NMNAT3: variants seen among roughly 807,000 people sequenced by gnomAD.
NMNAT3 encodes the protein nicotinamide/nicotinic acid mononucleotide adenylyltransferase 3.
A neutral mutation model predicts 24.8 loss-of-function variants in NMNAT3; 21 were observed. That is an observed-to-expected ratio of 0.85 (90% CI 0.60 to 1.22). The LOEUF (loss-of-function observed/expected upper bound fraction) is 1.22, where lower values mean the gene tolerates loss of function less well. NMNAT3 is among the 50% of genes most tolerant of loss of function. The probability of loss-of-function intolerance (pLI) is 0.00; values close to 1 mark genes in which losing one functional copy is unlikely to be tolerated. For missense variants in NMNAT3, 387 were observed against 436.6 expected, an observed-to-expected ratio of 0.89 and a Z score of 1.01; for synonymous variants, 136 against 155.2, an observed-to-expected ratio of 0.88 and a Z score of 0.92.
At chr3:139,657,908 G>A (rs2057297567) in intron 1 of NMNAT3, among the ~76,000 whole-genome samples, 1 of 151,912 alleles carries the variant, frequency 6.6e-6, no homozygotes, top group Non-Finnish European at 1.5e-5. Context: ...TCATGAGTGT[G>A]CTCTGGGGCT....
chr3:139,561,414 C>G, intron 6 of NMNAT3, 22 bp from the exon 7 acceptor site: 1 of 1,600,702 alleles, frequency 6.2e-7, no homozygotes, highest in South Asian at 1.1e-5. Flanking sequence ...AGGATGGACC[C>G]AGTAAAGTTA....
intron 2 of NMNAT3, among the ~76,000 whole-genome samples, chr3:139,630,011 T>A (rs1386678493): frequency 6.6e-6 from 1 of 152,210 alleles, no homozygotes; most frequent in African/African-American, 2.4e-5. Flanking sequence ...GTTTCTAACA[T>A]GACAAAAAGT....
intron 3 of NMNAT3, among the ~76,000 whole-genome samples, chr3:139,622,872 T>C (rs975105418): frequency 7.2e-6 from 1 of 139,686 alleles, no homozygotes; most frequent in Non-Finnish European, 1.5e-5. Context: ...ATATAAACAG[T>C]ATACTTTTAT....
At chr3:139,631,847 T>C (rs548789322) in intron 2 of NMNAT3, among the ~76,000 whole-genome samples, 1 of 152,236 alleles carries the variant, frequency 6.6e-6, no homozygotes, top group Admixed American at 6.5e-5. Context: ...TCTGTACTTG[T>C]TACATATTTT....
intron 1 of NMNAT3, among the ~76,000 whole-genome samples, chr3:139,675,056 A>G (rs180806921): frequency 6.6e-6 from 1 of 152,246 alleles, no homozygotes; most frequent in Admixed American, 6.5e-5. Context: ...AAGCTGCGAC[A>G]TACATGAAAA....
intron 3 of NMNAT3, among the ~76,000 whole-genome samples, chr3:139,627,036 T>A (rs1282459712): frequency 2.6e-5 from 4 of 152,098 alleles, no homozygotes; most frequent in African/African-American, 9.7e-5. Flanking sequence ...GTCACTTTAC[T>A]CCTTTAATAA....
chr3:139,647,276 T>C (rs2056902430), intron 1 of NMNAT3, among the ~76,000 whole-genome samples: 1 of 152,206 alleles, frequency 6.6e-6, no homozygotes, highest in African/African-American at 2.4e-5. Flanking sequence ...TTCACCTTTC[T>C]AGCTAAGTTT....
intron 3 of NMNAT3, among the ~76,000 whole-genome samples, chr3:139,619,650 T>C (rs2055670869): frequency 6.6e-6 from 1 of 152,100 alleles, no homozygotes; most frequent in Admixed American, 6.5e-5. Flanking sequence ...CCCTGCCCCC[T>C]GGTAAATCTC....
chr3:139,632,613 A>G (rs2056344300), intron 2 of NMNAT3, among the ~76,000 whole-genome samples: 1 of 152,230 alleles, frequency 6.6e-6, no homozygotes, highest in Admixed American at 6.5e-5. Context: ...CTGCTTATTA[A>G]GCATCTACTA....
chr3:139,676,954 C>T (rs1205651263), intron 1 of NMNAT3, among the ~76,000 whole-genome samples: 4 of 152,172 alleles, frequency 2.6e-5, no homozygotes, highest in African/African-American at 9.7e-5. Context: ...TTCACCATTT[C>T]CATTCTCAAT....
intron 3 of NMNAT3, among the ~76,000 whole-genome samples, chr3:139,624,685 G>T (rs571720510): frequency 6.6e-6 from 1 of 152,254 alleles, no homozygotes; most frequent in Non-Finnish European, 1.5e-5. Context: ...CTGACCTCAG[G>T]TGATCCACCC....
intron 1 of NMNAT3, among the ~76,000 whole-genome samples, chr3:139,643,931 G>A (rs2056789167): frequency 6.6e-6 from 1 of 152,170 alleles, no homozygotes; most frequent in Non-Finnish European, 1.5e-5. Context: ...TCTGATGCCA[G>A]GCTTCAATGC....
At chr3:139,602,799 G>A (rs2054776051) in intron 3 of NMNAT3, among the ~76,000 whole-genome samples, 1 of 152,196 alleles carries the variant, frequency 6.6e-6, no homozygotes, top group East Asian at 1.9e-4. Context: ...AATGTTTGAT[G>A]TAGTTAATGC....
intron 1 of NMNAT3, among the ~76,000 whole-genome samples, chr3:139,659,866 A>T (rs1290377635): frequency 1.3e-5 from 2 of 152,268 alleles, no homozygotes; most frequent in Non-Finnish European, 2.9e-5. Flanking sequence ...GGTAATTTTC[A>T]AAGACCAGCA....
chr3:139,565,211 A>G (rs1936992420), intron 6 of NMNAT3, among the ~76,000 whole-genome samples: 1 of 152,180 alleles, frequency 6.6e-6, no homozygotes, highest in African/African-American at 2.4e-5. Context: ...CTGTTGTGAT[A>G]AACATCTTTC....
At chr3:139,582,842 C>CT in intron 4 of NMNAT3, 7 of 870,900 alleles carry the variant, frequency 8.0e-6, no homozygotes, top group Non-Finnish European at 1.2e-5. Context: ...TGCAACTCTT[C>CT]TTTCAAATTA....
intron 1 of NMNAT3, among the ~76,000 whole-genome samples, chr3:139,639,044 C>G (rs533443638): frequency 6.6e-6 from 1 of 152,158 alleles, no homozygotes; most frequent in Non-Finnish European, 1.5e-5. Flanking sequence ...GCTGTCAATG[C>G]CTATTCCTTC....
chr3:139,563,547 C>T (rs1053033047), intron 6 of NMNAT3, among the ~76,000 whole-genome samples: 3 of 152,148 alleles, frequency 2.0e-5, no homozygotes, highest in Admixed American at 1.3e-4. Flanking sequence ...GCAAGGAATA[C>T]TATTCACTTT....
At chr3:139,568,465 G>C (rs929228580) in intron 6 of NMNAT3, 29 of 152,190 alleles carry the variant, frequency 1.9e-4, no homozygotes, top group African/African-American at 6.0e-4. Context: ...TTCCTGCTTT[G>C]TCTTGTGGCC....
Sources: gnomAD v4.1 joint callset for allele counts (sites outside exome capture counted in the v4.1 genomes callset) on GRCh38, gnomAD v4.1.1 for gene constraint, MANE v1.5 for transcripts, NCBI Gene and HGNC (gene_info 2026-07-23, HGNC 2026-07-21) for gene names.